The following EML5 variants were observed in gnomAD, a reference collection of about 807,000 sequenced individuals.
The protein encoded by EML5 is echinoderm microtubule-associated protein-like 5.
Under a neutral mutation model 250.0 loss-of-function variants are expected in EML5, and 120 were observed. The observed-to-expected ratio is 0.48, with a 90% CI of 0.41 to 0.56. The LOEUF (loss-of-function observed/expected upper bound fraction) is 0.56. Ranked by LOEUF, EML5 falls within the 20% of genes least tolerant of loss-of-function variation. EML5 has a pLI of 0.00. For missense variants in EML5, 2,006 were observed against 2,437.6 expected (o/e 0.82, Z 3.73); for synonymous variants, 771 against 806.5 (o/e 0.96, Z 0.75).
intron 27 of EML5, among the ~76,000 whole-genome samples, chr14:88,654,696 C>A (rs2091795849): frequency 6.6e-6 from 1 of 152,040 alleles, no homozygotes; most frequent in Non-Finnish European, 1.5e-5. Flanking sequence ...TGTTTTACTT[C>A]CAATTATGTG....
At chr14:88,780,981 A>G (rs2140768263) in intron 1 of EML5, among the ~76,000 whole-genome samples, 1 of 152,348 alleles carries the variant, frequency 6.6e-6, no homozygotes, top group South Asian at 2.1e-4. Context: ...TGATTAAATC[A>G]TCTGGTACTA....
intron 1 of EML5, among the ~76,000 whole-genome samples, chr14:88,778,736 G>A (rs1025766404): frequency 1.3e-5 from 2 of 152,184 alleles, no homozygotes; most frequent in African/African-American, 2.4e-5. Flanking sequence ...CCAAGAATGC[G>A]CCACTGCACT....
intron 10 of EML5, among the ~76,000 whole-genome samples, chr14:88,711,549 C>T (rs1342239360): frequency 1.3e-5 from 2 of 151,682 alleles, no homozygotes; most frequent in East Asian, 3.9e-4. Flanking sequence ...ACTATCACAA[C>T]AGCAGCATAG....
chr14:88,772,751 T>C (rs1204235549), intron 1 of EML5, among the ~76,000 whole-genome samples: 1 of 149,504 alleles, frequency 6.7e-6, no homozygotes, highest in Non-Finnish European at 1.5e-5. Flanking sequence ...AGACTCCATC[T>C]CAAAAAAAAA....
chr14:88,660,325 G>C (rs2092039058), intron 25 of EML5, among the ~76,000 whole-genome samples: 1 of 151,402 alleles, frequency 6.6e-6, no homozygotes, highest in South Asian at 2.1e-4. Flanking sequence ...ATCTGGACTT[G>C]ATATATAAAT....
At chr14:88,689,547 A>ATTCCTTCC (rs200722411) in intron 17 of EML5, among the ~76,000 whole-genome samples, 6 of 152,000 alleles carry the variant, frequency 3.9e-5, no homozygotes, top group Non-Finnish European at 7.4e-5. Flanking sequence ...GGACTCACAA[A>ATTCCTTCC]TTCCTTCCTT....
At position 88,614,934 on chromosome 14, in the gene EML5, AAC is replaced by A. The variant is rs1352951484; in HGVS notation, c.*882_*883del. 2 of 152,334 alleles carry A rather than the reference AAC, an allele frequency of 1.3e-5. No homozygotes were observed. The highest frequency in any genetic ancestry group is 2.9e-5 in the Non-Finnish European group (2 of 68,014). 9.4% of individuals were successfully genotyped at this position (152,334 alleles called of 1,614,324 possible). A position where few individuals can be genotyped will look rare whatever the true frequency, so the allele number is the denominator to read the frequency against. Reference sequence around the variant, plus strand: ...TGTATAATGTTGTATATGTGAATTTAACACTTTTGTTTACATGTTAAACAAAT... The same window carrying A: ...TGTATAATGTTGTATATGTGAATTTAACTTTTGTTTACATGTTAAACAAAT... On this transcript the variant is annotated 3_prime_UTR_variant, in exon 44 of 44. Coordinates refer to ENST00000554922, the MANE Select transcript of EML5 (RefSeq NM_183387.3).
intron 14 of EML5, among the ~76,000 whole-genome samples, chr14:88,701,102 G>A (rs1372767225): frequency 1.3e-5 from 2 of 152,088 alleles, no homozygotes; most frequent in African/African-American, 2.4e-5. Context: ...TTAATCATTA[G>A]TTCTTCATTA....
At chr14:88,719,685 T>TA (rs892579694) in intron 8 of EML5, among the ~76,000 whole-genome samples, 2 of 151,738 alleles carry the variant, frequency 1.3e-5, no homozygotes, top group Non-Finnish European at 2.9e-5. Context: ...TTTTTTTTTT[T>TA]AAACAGAAAA....
At chr14:88,728,051 C>A (rs1307942092) in intron 7 of EML5, among the ~76,000 whole-genome samples, 1 of 152,124 alleles carries the variant, frequency 6.6e-6, no homozygotes, top group Non-Finnish European at 1.5e-5. Flanking sequence ...ATAGCTGAAA[C>A]AGTACTTAGG....
chr14:88,738,417 GA>G (rs538196237), intron 6 of EML5, among the ~76,000 whole-genome samples: 2,194 of 135,202 alleles, frequency 0.016, 35 homozygotes, highest in African/African-American at 0.046. Flanking sequence ...ATCCCCAAGA[GA>G]AAAAAAAAAA....
rs1165219011 is a variant in EML5, at chr14:88,614,490, A to G, written c.*1328T>C. ...CAGAAAATAGGTATTAAGAATCTTC[A>G]TATATCCTGTCAGACCAAATGGGAT... On this transcript the variant is annotated 3_prime_UTR_variant, in exon 44 of 44. Coordinates refer to ENST00000554922, the MANE Select transcript of EML5 (RefSeq NM_183387.3). 2 of 152,230 alleles carry G rather than the reference A, an allele frequency of 1.3e-5. No individual in the cohort carries two copies. The highest frequency in any genetic ancestry group is 4.8e-5 in the African/African-American group (2 of 41,464). 9.4% of individuals were successfully genotyped at this position (152,230 alleles called of 1,614,324 possible).
chr14:88,734,062 T>C (rs2093801952), intron 7 of EML5, among the ~76,000 whole-genome samples: 1 of 151,474 alleles, frequency 6.6e-6, no homozygotes, highest in Non-Finnish European at 1.5e-5. Flanking sequence ...ATTTACATTA[T>C]AGGCAAAGAG....
rs537195464 is a variant in EML5 at position 88,621,288 on chromosome 14, A to G, written c.5027T>C (p.Val1676Ala). 2.5e-6 allele frequency: 4 copies of G among 1,613,914 alleles called. No individual in the cohort carries two copies. Among genetic ancestry groups the G allele is most frequent in the African/African-American group, 1.3e-5 (1 of 75,050 alleles). The change falls in exon 38 of 44, where the codon GTT becomes GCT. Residue 1676 changes from valine to alanine, a missense_variant. Physicochemically the swap from Val to Ala is moderately conservative, Grantham distance 64 (BLOSUM62 0). Coordinates refer to ENST00000554922, the MANE Select transcript of EML5 (RefSeq NM_183387.3). Reference sequence around the variant, plus strand: ...GATTATTTCAGCATTCCTTGTCCCAACAAGGATCTTGCCCTGAAACACAAG... The same window carrying G: ...GATTATTTCAGCATTCCTTGTCCCAGCAAGGATCTTGCCCTGAAACACAAG... ...SVCRGKGKIL[V>A]GTRNAEIIEV... is the part of the protein sequence containing the mutation.
chr14:88,679,809 A>C (rs1344392692), intron 21 of EML5, among the ~76,000 whole-genome samples: 1 of 152,240 alleles, frequency 6.6e-6, no homozygotes, highest in East Asian at 1.9e-4. Flanking sequence ...ATGATACAAG[A>C]GTCACAGGAA....
At chr14:88,712,171 TA>T in intron 10 of EML5, 99 bp downstream of exon 10, 1 of 807,908 alleles carries the variant, frequency 1.2e-6, no homozygotes, top group Non-Finnish European at 2.0e-6. Context: ...AGTGTAATTT[TA>T]AAAAATATGA....
At position 88,620,816 on chromosome 14, in the gene EML5, T is replaced by G. The variant is rs569882025; in HGVS notation, c.5313A>C (p.Leu1771=). The G allele has an allele frequency of 1.7e-5, 27 of 1,608,926 alleles. No individual in the cohort carries two copies. In the South Asian group the frequency reaches 2.6e-4, roughly 15 times the overall value. Residue 1771 remains leucine (L), a synonymous_variant, in exon 39 of 44, where the codon CTA becomes CTC. Transcript: ENST00000554922. The surrounding 1 kb of genome is among the most constrained non-coding windows in gnomAD (Gnocchi z 4.3). ...TTCCCCATATTTTTAGAGAACTCACTAGTAAAATGATAAATTCTCCATTTT... is the reference window on the plus strand; with the variant it reads ...TTCCCCATATTTTTAGAGAACTCACGAGTAAAATGATAAATTCTCCATTTT... ...GMKNGEFIIL[L]VSSLKIWGKK... is the part of the protein sequence containing the mutation.
intron 10 of EML5, among the ~76,000 whole-genome samples, chr14:88,707,391 G>A (rs1415361682): frequency 6.6e-6 from 1 of 151,796 alleles, no homozygotes; most frequent in Non-Finnish European, 1.5e-5. Context: ...GCCTCCCAAA[G>A]TGTCAGGATT....
intron 32 of EML5, among the ~76,000 whole-genome samples, chr14:88,635,120 A>C (rs1358298450): frequency 6.6e-6 from 1 of 152,254 alleles, no homozygotes; most frequent in East Asian, 1.9e-4. Context: ...AATACCTAAT[A>C]ACCAAACTTT....
Sources: gnomAD v4.1 joint callset for allele counts (sites outside exome capture counted in the v4.1 genomes callset) on GRCh38, gnomAD v4.1.1 for gene constraint, Gnocchi (gnomAD v3.1) non-coding constraint, MANE v1.5 for transcripts, NCBI Gene and HGNC (gene_info 2026-07-23, HGNC 2026-07-21) for gene names.